Variants in PIK3R5 observed in about 807,000 individuals in gnomAD.
PIK3R5 encodes phosphoinositide-3-kinase regulatory subunit 5.
PIK3R5 carries 32 observed loss-of-function variants against 94.9 expected under a neutral mutation model. The ratio of observed to expected loss-of-function variants is 0.34; its 90% CI spans 0.25 to 0.45. The LOEUF (loss-of-function observed/expected upper bound fraction) is 0.45. Ranked by LOEUF, PIK3R5 falls within the 20% of genes least tolerant of loss-of-function variation. The probability of loss-of-function intolerance (pLI) is 1.00; values close to 1 mark genes in which losing one functional copy is unlikely to be tolerated. For synonymous variants in PIK3R5, 443 were observed against 479.4 expected (o/e 0.92, Z 0.99); for missense variants, 853 against 1,144.6 (o/e 0.75, Z 3.68).
chr17:8,886,147 AG>A, intron 14 of PIK3R5, 81 bp downstream of exon 14: 1 of 1,049,438 alleles, frequency 9.5e-7, no homozygotes. Context: ...CCCACCTCCC[AG>A]GTAACCCCAC....
intron 1 of PIK3R5, among the ~76,000 whole-genome samples, chr17:8,959,421 G>GTGTGGAC (rs2091520494): frequency 6.1e-5 from 1 of 16,344 alleles, no homozygotes; most frequent in Non-Finnish European, 6.7e-4. Context: ...GAGAGAGACT[G>GTGTGGAC]TGTGTGTGTG....
rs79604586 is a variant in PIK3R5 at position 8,950,541 on chromosome 17, T to C, written c.-14+15055A>G. Among the ~76,000 whole-genome samples the C allele has an allele frequency of 4.4e-3, 666 of 152,346 alleles. 6 individuals are homozygous for C. Among genetic ancestry groups the C allele is most frequent in the Middle Eastern group, 6.8e-3 (2 of 294 alleles). ...TAGCTCCTACTTGTAAGAGAGAACA[T>C]ATGGTATTTGGTTTTCCATTCCTAC... On this transcript the variant is annotated intron_variant, in intron 1 of 18. Transcript: ENST00000447110.
chr17:8,889,952 C>T lies in PIK3R5; in HGVS notation c.811+21G>A, dbSNP rs375790158. On this transcript the variant is annotated intron_variant, in intron 8 of 18. Transcript: ENST00000447110. This position sits in a 1 kb window ranked among gnomAD's most constrained non-coding sequence, Gnocchi z 4.1. The stretch of plus-strand genomic sequence containing the variant: ...AGGCCATGGGGAATGTGGGAGAACC[C>T]CATTCTCCCAAGAGCCTCACCTAAC... 4.5e-5 allele frequency: 72 copies of T among 1,611,792 alleles called. No individual in the cohort carries two copies. The African/African-American group carries it at 7.1e-4, about 16-fold the overall frequency.
At position 8,892,557 on chromosome 17, in the gene PIK3R5, C is replaced by T. The variant is rs547922736; in HGVS notation, c.482+1029G>A. Among the ~76,000 whole-genome samples the T allele has an allele frequency of 8.9e-4, 136 of 152,164 alleles. 1 individual carries two copies. The highest frequency in any genetic ancestry group is 3.1e-3 in the African/African-American group (130 of 41,506). ...ACATGTAACCATGCTTAGGATGGTGCCTGGAGTCCGAATAAAGGTCTAAAG... is the reference window on the plus strand; with the variant it reads ...ACATGTAACCATGCTTAGGATGGTGTCTGGAGTCCGAATAAAGGTCTAAAG... On this transcript the variant is annotated intron_variant, in intron 6 of 18. Coordinates refer to ENST00000447110, the MANE Select transcript of PIK3R5 (RefSeq NM_001142633.3). This position sits in a 1 kb window ranked among gnomAD's most constrained non-coding sequence, Gnocchi z 4.3.
In PIK3R5 at chr17:8,893,533, C is replaced by G; in HGVS notation, c.482+53G>C. The G allele has an allele frequency of 7.2e-7, 1 of 1,397,226 alleles. No homozygotes were observed. The highest frequency in any genetic ancestry group is 1.0e-6 in the Non-Finnish European group (1 of 983,152). 86.6% of individuals were successfully genotyped at this position (1,397,226 alleles called of 1,614,324 possible). ...GGAGGAGGGTGAAGGTGGAACAGTG[C>G]AGGGGTCCCAAACTCCCTCCCCACT... On this transcript the variant is annotated intron_variant, in intron 6 of 18. Transcript: ENST00000447110. This position sits in a 1 kb window ranked among gnomAD's most constrained non-coding sequence, Gnocchi z 5.1.
Position 8,890,958 on chromosome 17 carries a change from T to C in PIK3R5, c.483-46A>G. On this transcript the variant is annotated intron_variant, in intron 6 of 18. Coordinates refer to ENST00000447110, the MANE Select transcript of PIK3R5 (RefSeq NM_001142633.3). The surrounding 1 kb of genome is among the most constrained non-coding windows in gnomAD (Gnocchi z 6.1). ...CTATGGCACCCAGGGGTGCGCAGCATGCCACAGTGCAGCCACCCCCCTCGT... is the reference window on the plus strand; with the variant it reads ...CTATGGCACCCAGGGGTGCGCAGCACGCCACAGTGCAGCCACCCCCCTCGT... 2 of 1,578,530 alleles carry C rather than the reference T, an allele frequency of 1.3e-6. No individual in the cohort carries two copies. The highest frequency in any genetic ancestry group is 1.7e-5 in the Admixed American group (1 of 57,206).
chr17:8,886,685 G>A, intron 12 of PIK3R5, 80 bp from the exon 13 acceptor site: 1 of 1,452,132 alleles, frequency 6.9e-7, no homozygotes, highest in Non-Finnish European at 9.3e-7. Flanking sequence ...TAGGGAGGAA[G>A]AGAGAAGAGA....
chr17:8,881,063 A>G lies in PIK3R5; in HGVS notation c.2383-46T>C, dbSNP rs751095148. On this transcript the variant is annotated intron_variant, in intron 17 of 18. Transcript: ENST00000447110. This position sits in a 1 kb window ranked among gnomAD's most constrained non-coding sequence, Gnocchi z 4.8. ...AGCCCCAAATCCCTGGCCATCCAACACTGCCAGCCCCTGGCAGTTCCTTTT... is the reference window on the plus strand; with the variant it reads ...AGCCCCAAATCCCTGGCCATCCAACGCTGCCAGCCCCTGGCAGTTCCTTTT... 1.4e-6 allele frequency: 2 copies of G among 1,386,560 alleles called. No homozygotes were observed. The highest frequency in any genetic ancestry group is 2.1e-6 in the Non-Finnish European group (2 of 972,230). 85.9% of individuals were successfully genotyped at this position (1,386,560 alleles called of 1,614,324 possible).
intron 1 of PIK3R5, among the ~76,000 whole-genome samples, chr17:8,961,597 T>C (rs115681208): frequency 0.011 from 1,734 of 152,166 alleles, 28 homozygotes; most frequent in African/African-American, 0.037. Flanking sequence ...ATCACGGCAC[T>C]GCATTCCGTC....
chr17:8,923,025 A>G (rs2090786555), intron 1 of PIK3R5, among the ~76,000 whole-genome samples: 1 of 152,176 alleles, frequency 6.6e-6, no homozygotes, highest in Non-Finnish European at 1.5e-5. Context: ...CAAGACCAAG[A>G]AGAAATGGGA....
intron 1 of PIK3R5, among the ~76,000 whole-genome samples, chr17:8,923,890 C>T (rs1198201994): frequency 2.2e-5 from 3 of 137,986 alleles, no homozygotes; most frequent in African/African-American, 8.1e-5. Context: ...CCCTCCCCTC[C>T]CCTCCCCTCC....
intron 1 of PIK3R5, among the ~76,000 whole-genome samples, chr17:8,926,222 A>G (rs529476922): frequency 3.9e-5 from 6 of 152,180 alleles, no homozygotes; most frequent in Non-Finnish European, 8.8e-5. Flanking sequence ...TTGAGTGACC[A>G]TGAAAGAACA....
At chr17:8,908,530 A>AACACACACACACACACACACAC in intron 3 of PIK3R5, among the ~76,000 whole-genome samples, 1 of 136,682 alleles carries the variant, frequency 7.3e-6, no homozygotes, top group Middle Eastern at 3.5e-3. Context: ...AAATAATTAA[A>AACACACACACACACACACACAC]ACACACACAC....
chr17:8,944,934 C>A (rs2091248230), intron 1 of PIK3R5, among the ~76,000 whole-genome samples: 1 of 152,188 alleles, frequency 6.6e-6, no homozygotes, highest in Non-Finnish European at 1.5e-5. Context: ...TCCGCAATTT[C>A]CTGCTGAGGT....
chr17:8,889,070 G>A lies in PIK3R5; in HGVS notation c.895+69C>T. ...TTTGGGGACGGGGTGGGAGCTGCATGGACCCAGGACCAGAAACACAGCTCA... is the reference window on the plus strand; with the variant it reads ...TTTGGGGACGGGGTGGGAGCTGCATAGACCCAGGACCAGAAACACAGCTCA... On this transcript the variant is annotated intron_variant, in intron 9 of 18. Transcript: ENST00000447110. The surrounding 1 kb of genome is among the most constrained non-coding windows in gnomAD (Gnocchi z 4.1). 6.5e-7 allele frequency: 1 copy of A among 1,540,668 alleles called. No homozygotes were observed. The highest frequency in any genetic ancestry group is 8.8e-7 in the Non-Finnish European group (1 of 1,131,122).
At position 8,880,740 on chromosome 17, in the gene PIK3R5, A is replaced by G; in HGVS notation, c.2542T>C (p.Ser848Pro). Residue 848 changes from serine (S) to proline (P), a missense_variant, in exon 19 of 19, where the codon TCA becomes CCA. This residue lies in a region of PIK3R5 where 91 missense variants were observed against 90.5 expected (regional missense o/e 1.01). Transcript: ENST00000447110. The stretch of plus-strand genomic sequence containing the variant: ...AGGTCAGGAGGCGTCTGGGGTGGTG[A>G]GGAGAGGTCGCTCTTCTCTGGCTTG... Reference protein sequence around the residue: ...CYKPEKSDLSSPPQTPPDLPA... With the variant: ...CYKPEKSDLSPPPQTPPDLPA... 6.2e-7 allele frequency: 1 copy of G among 1,613,876 alleles called. No individual in the cohort carries two copies. Among genetic ancestry groups the G allele is most frequent in the Non-Finnish European group, 8.5e-7 (1 of 1,179,872 alleles).
In PIK3R5 at chr17:8,888,380, G is replaced by T. The variant is rs1264608493; in HGVS notation, c.1407C>A (p.Pro469=). The part of the protein sequence containing the change: ...LCSPLDEPVS[P]PSRAQRSRSL... ...AGCGGGAGCGCTGGGCCCGGGAAGG[G>T]GGTGATACTGGTTCGTCCAGGGGGC... The change falls in exon 10 of 19, where the codon CCC becomes CCA. Residue 469 remains proline, a synonymous_variant. Transcript: ENST00000447110. The surrounding 1 kb of genome is among the most constrained non-coding windows in gnomAD (Gnocchi z 7.8). 2 of 1,605,902 alleles carry T rather than the reference G, an allele frequency of 1.2e-6. No homozygotes were observed. Among genetic ancestry groups the T allele is most frequent in the South Asian group, 1.1e-5 (1 of 90,548 alleles).
At chr17:8,921,246 G>A (rs1432015973) in intron 1 of PIK3R5, among the ~76,000 whole-genome samples, 3 of 152,278 alleles carry the variant, frequency 2.0e-5, no homozygotes, top group Admixed American at 6.5e-5. Flanking sequence ...GTGGCTTTAA[G>A]TTTCATTTAT....
At chr17:8,943,151 T>G (rs2091216371) in intron 1 of PIK3R5, among the ~76,000 whole-genome samples, 1 of 151,898 alleles carries the variant, frequency 6.6e-6, no homozygotes, top group African/African-American at 2.4e-5. Flanking sequence ...CACATCTCAC[T>G]GCAACCTTGA....
Sources: allele counts gnomAD v4.1 joint callset (sites outside exome capture counted in the v4.1 genomes callset), GRCh38; gene constraint gnomAD v4.1.1; regional missense constraint gnomAD v4.1.1; non-coding constraint Gnocchi (gnomAD v3.1); transcripts MANE v1.5; gene names NCBI Gene and HGNC (gene_info 2026-07-23, HGNC 2026-07-21).